The following SNF8 variants were observed in gnomAD, a reference collection of about 807,000 sequenced individuals.
SNF8 encodes vacuolar-sorting protein SNF8.
A neutral mutation model predicts 36.8 loss-of-function variants in SNF8; 19 were observed. The ratio of observed to expected loss-of-function variants is 0.52; its 90% CI spans 0.36 to 0.76. SNF8 has a LOEUF of 0.76. Among genes scored for constraint, SNF8 ranks in the 30% least tolerant of loss-of-function variants. SNF8 has a pLI of 0.00. For missense variants in SNF8, 268 were observed against 322.9 expected (o/e 0.83, Z 1.30); for synonymous variants, 127 against 127.4 (o/e 1.00, Z 0.02).
chr17:48,931,563 G>A, intron 7 of SNF8, 80 bp downstream of exon 7: 1 of 1,177,720 alleles, frequency 8.5e-7, no homozygotes, highest in East Asian at 2.5e-5. Flanking sequence ...AAGCAATGCT[G>A]AAGTTCCTGC....
At chr17:48,942,948 C>G (rs1248125626) in intron 2 of SNF8, among the ~76,000 whole-genome samples, 1 of 148,646 alleles carries the variant, frequency 6.7e-6, no homozygotes. Flanking sequence ...TCACTGCAAC[C>G]TCTGTCTCCT....
intron 5 of SNF8, 103 bp downstream of exon 5, chr17:48,936,067 G>A: frequency 1.3e-6 from 1 of 777,612 alleles, no homozygotes. Context: ...AGATCATACA[G>A]ATTTCTAAGC....
At chr17:48,937,264 G>T in intron 3 of SNF8, 140 bp from the exon 4 acceptor site, 3 of 743,440 alleles carry the variant, frequency 4.0e-6, no homozygotes, top group South Asian at 1.4e-5. Context: ...TGCTACTCAG[G>T]AAACAATCGG....
At chr17:48,933,751 C>CA (rs1205477395) in intron 5 of SNF8, among the ~76,000 whole-genome samples, 2 of 152,154 alleles carry the variant, frequency 1.3e-5, no homozygotes, top group African/African-American at 4.8e-5. Context: ...TAAAAGGCTG[C>CA]ACAACACTCA....
chr17:48,943,770 A>G (rs1298655787), intron 2 of SNF8, among the ~76,000 whole-genome samples, 155 bp downstream of exon 2: 1 of 152,222 alleles, frequency 6.6e-6, no homozygotes, highest in Non-Finnish European at 1.5e-5. Context: ...TATTGTTATT[A>G]GCAAGTCACC....
At chr17:48,930,839 G>A (rs2040848083) in intron 7 of SNF8, among the ~76,000 whole-genome samples, 1 of 152,228 alleles carries the variant, frequency 6.6e-6, no homozygotes, top group Admixed American at 6.5e-5. Context: ...CTGGGGAAGA[G>A]GGGTAAAGCC....
rs2040928167 is a variant in SNF8, at chr17:48,935,990, G to A, written c.422+180C>T. The stretch of plus-strand genomic sequence containing the variant: ...ATCATGCCACTGTACTCCAGCCCGG[G>A]CAAAAGTGAGACCCTATCTCTTATT... On this transcript the variant is annotated intron_variant, in intron 5 of 7. Coordinates refer to ENST00000502492, the MANE Select transcript of SNF8 (RefSeq NM_007241.4). 4.2e-5 allele frequency: 22 copies of A among 529,230 alleles called. No homozygotes were observed. In the South Asian group the frequency reaches 4.4e-4, roughly 11 times the overall value. 32.8% of individuals were successfully genotyped at this position (529,230 alleles called of 1,614,324 possible). A position where few individuals can be genotyped will look rare whatever the true frequency, so the allele number is the denominator to read the frequency against.
intron 5 of SNF8, 83 bp from the exon 6 acceptor site, chr17:48,933,429 C>G: frequency 6.7e-7 from 1 of 1,497,018 alleles, no homozygotes; most frequent in Non-Finnish European, 9.1e-7. Flanking sequence ...GGGCAGGATA[C>G]TGACAGAAAA....
intron 3 of SNF8, among the ~76,000 whole-genome samples, chr17:48,939,054 CA>C (rs899903502): frequency 6.6e-6 from 1 of 151,056 alleles, no homozygotes; most frequent in Non-Finnish European, 1.5e-5. Context: ...GTCAGGAGTT[CA>C]AGACCAACCC....
At chr17:48,936,870 C>T in intron 4 of SNF8, 150 bp downstream of exon 4, 1 of 688,222 alleles carries the variant, frequency 1.5e-6, no homozygotes, top group Non-Finnish European at 2.6e-6. Context: ...GCCATGGAGA[C>T]TTGCCATGGA....
intron 7 of SNF8, among the ~76,000 whole-genome samples, chr17:48,930,921 G>A (rs556499173): frequency 6.6e-6 from 1 of 152,278 alleles, no homozygotes; most frequent in South Asian, 2.1e-4. Context: ...GCAAATCACT[G>A]CCTCCATTTT....
At chr17:48,939,297 G>A (rs1247307696) in intron 3 of SNF8, among the ~76,000 whole-genome samples, 1 of 151,424 alleles carries the variant, frequency 6.6e-6, no homozygotes, top group Non-Finnish European at 1.5e-5. Context: ...CTGGGGCCAG[G>A]CACGGTGACT....
chr17:48,937,247 C>T lies in SNF8; in HGVS notation c.245-123G>A, dbSNP rs777321457. On this transcript the variant is annotated intron_variant, in intron 3 of 7. Coordinates refer to ENST00000502492, the MANE Select transcript of SNF8 (RefSeq NM_007241.4). The stretch of plus-strand genomic sequence containing the variant: ...CCCTGCATGGCATGAAGTTCTTCTG[C>T]TCCATCTGCTACTCAGGAAACAATC... The T allele has an allele frequency of 4.1e-5, 32 of 787,166 alleles. No individual in the cohort carries two copies. The East Asian group carries it at 7.6e-4, about 19-fold the overall frequency. The allele number at this position is 787,166 out of a possible 1,614,324, so 48.8% of individuals were successfully genotyped here. A position where few individuals can be genotyped will look rare whatever the true frequency, so the allele number is the denominator to read the frequency against.
At chr17:48,936,856 C>G in intron 4 of SNF8, 164 bp downstream of exon 4, 1 of 667,588 alleles carries the variant, frequency 1.5e-6, no homozygotes. Context: ...TCTATTTACC[C>G]TTGGCCATGG....
rs1237272873 is a variant in SNF8, at chr17:48,933,336, TC to T, written c.432del (p.Ile145SerfsTer7). The T allele has an allele frequency of 1.2e-6, 2 of 1,614,082 alleles. No individual in the cohort carries two copies. The highest frequency in any genetic ancestry group is 1.7e-6 in the Non-Finnish European group (2 of 1,180,042). ...GCCTTTAGTTTCTTGATGGCTCTGATCAGGTCATCTCTGAGGTAAGGAAGAG... is the reference window on the plus strand; with the variant it reads ...GCCTTTAGTTTCTTGATGGCTCTGATAGGTCATCTCTGAGGTAAGGAAGAG... ...KFAQDVSQDD[L>X]IRAIKKLKAL... On this transcript the variant is annotated frameshift_variant, in exon 6 of 8. Transcript: ENST00000502492. LOFTEE classifies it high-confidence loss of function.
intron 3 of SNF8, among the ~76,000 whole-genome samples, chr17:48,938,042 C>T (rs2040961815): frequency 6.6e-6 from 1 of 152,046 alleles, no homozygotes; most frequent in African/African-American, 2.4e-5. Context: ...ATTCACAAAG[C>T]ATGCAGTGAA....
intron 3 of SNF8, 31 bp from the exon 4 acceptor site, chr17:48,937,155 T>A: frequency 6.7e-7 from 1 of 1,492,584 alleles, no homozygotes; most frequent in African/African-American, 1.4e-5. Flanking sequence ...ATCTCGGTTA[T>A]TGATTAATTT....
At chr17:48,932,223 A>G (rs2040870005) in intron 6 of SNF8, 1 of 152,490 alleles carries the variant, frequency 6.6e-6, no homozygotes, top group African/African-American at 2.4e-5. Context: ...TCCATCTCAA[A>G]AAACAAAAAA....
intron 3 of SNF8, among the ~76,000 whole-genome samples, chr17:48,940,628 A>G (rs1396840779): frequency 6.6e-6 from 1 of 151,990 alleles, no homozygotes; most frequent in Admixed American, 6.6e-5. Flanking sequence ...ATCTCTACTA[A>G]AAACACAAAA....
Sources: allele counts gnomAD v4.1 joint callset (sites outside exome capture counted in the v4.1 genomes callset), GRCh38; gene constraint gnomAD v4.1.1; transcripts MANE v1.5; gene names NCBI Gene and HGNC (gene_info 2026-07-23, HGNC 2026-07-21).